RALYL: variants seen among roughly 807,000 people sequenced by gnomAD.
RALYL encodes RNA-binding Raly-like protein.
RALYL carries 29 observed loss-of-function variants against 35.1 expected under a neutral mutation model. That is an observed-to-expected ratio of 0.83 (90% CI 0.61 to 1.13). The LOEUF is 1.13. RALYL is among the 50% of genes most tolerant of loss of function. The probability of loss-of-function intolerance (pLI) is 0.00; values close to 1 mark genes in which losing one functional copy is unlikely to be tolerated. For synonymous variants in RALYL, 120 were observed against 127.6 expected, an observed-to-expected ratio of 0.94 and a Z score of 0.40; for missense variants, 359 against 360.4, an observed-to-expected ratio of 1.00 and a Z score of 0.03.
At chr8:84,891,830 TA>T (rs2135466821) in intron 8 of RALYL, among the ~76,000 whole-genome samples, 1 of 152,200 alleles carries the variant, frequency 6.6e-6, no homozygotes, top group African/African-American at 2.4e-5. Context: ...AAAAGTGAAA[TA>T]AAAGCACAAA....
At chr8:84,301,877 T>C (rs1840862462) in intron 1 of RALYL, among the ~76,000 whole-genome samples, 1 of 152,142 alleles carries the variant, frequency 6.6e-6, no homozygotes, top group Non-Finnish European at 1.5e-5. Flanking sequence ...ATATAACTTA[T>C]ATCTAATGAG....
At chr8:84,541,761 G>T (rs1245690161) in intron 2 of RALYL, among the ~76,000 whole-genome samples, 1 of 151,938 alleles carries the variant, frequency 6.6e-6, no homozygotes, top group Non-Finnish European at 1.5e-5. Flanking sequence ...CTTGGAATTG[G>T]TGTATCTTCC....
intron 1 of RALYL, among the ~76,000 whole-genome samples, chr8:84,230,907 A>AG (rs1312866699): frequency 1.3e-5 from 2 of 152,324 alleles, no homozygotes; most frequent in South Asian, 4.1e-4. Flanking sequence ...CTCTGATTTC[A>AG]AAGCCCATGC....
chr8:84,190,889 T>C (rs1459126637), intron 1 of RALYL, among the ~76,000 whole-genome samples: 1 of 151,252 alleles, frequency 6.6e-6, no homozygotes, highest in African/African-American at 2.4e-5. Flanking sequence ...TTTGAGTGAA[T>C]GTAAAAGGGG....
intron 2 of RALYL, among the ~76,000 whole-genome samples, chr8:84,630,789 G>C (rs893621313): frequency 6.6e-6 from 1 of 152,036 alleles, no homozygotes; most frequent in Non-Finnish European, 1.5e-5. Flanking sequence ...GTGAAGGAGA[G>C]TAGAAATGTG....
At position 84,633,255 on chromosome 8, in the gene RALYL, A is replaced by G. The variant is rs184349154; in HGVS notation, c.256+103678A>G. On this transcript the variant is annotated intron_variant, in intron 2 of 8. Transcript: ENST00000521268. ...ATGTCCTGGTTCAGCAATAGAGTTTATAGCTAGATGAGATTACAGGCTGAT... is the reference window on the plus strand; with the variant it reads ...ATGTCCTGGTTCAGCAATAGAGTTTGTAGCTAGATGAGATTACAGGCTGAT... 3.9e-4 allele frequency among the ~76,000 whole-genome samples: 59 copies of G among 151,976 alleles called. 2 individuals are homozygous for G. The highest frequency in any genetic ancestry group is 3.5e-3 in the Admixed American group (54 of 15,226).
At chr8:84,604,631 G>A (rs111579695) in intron 2 of RALYL, among the ~76,000 whole-genome samples, 172 of 152,226 alleles carry the variant, frequency 1.1e-3, no homozygotes, top group African/African-American at 3.8e-3. Context: ...GCCACACCCT[G>A]TTTAAGAGGT....
At chr8:84,408,670 T>A (rs1216526370) in intron 1 of RALYL, among the ~76,000 whole-genome samples, 1 of 152,162 alleles carries the variant, frequency 6.6e-6, no homozygotes, top group Non-Finnish European at 1.5e-5. Context: ...AATGATTGCA[T>A]GGAGGAGACA....
intron 1 of RALYL, among the ~76,000 whole-genome samples, chr8:84,208,378 CCTT>C (rs1366776837): frequency 6.6e-6 from 1 of 151,834 alleles, no homozygotes; most frequent in African/African-American, 2.4e-5. Context: ...CATGAGTAAT[CCTT>C]CTCCCCTCAA....
At chr8:84,722,319 T>G (rs1425896019) in intron 2 of RALYL, among the ~76,000 whole-genome samples, 1 of 151,860 alleles carries the variant, frequency 6.6e-6, no homozygotes, top group East Asian at 1.9e-4. Flanking sequence ...GAGCAATGAG[T>G]AATTCAAAGA....
At chr8:84,525,106 C>T (rs2058776564) in intron 1 of RALYL, among the ~76,000 whole-genome samples, 1 of 149,166 alleles carries the variant, frequency 6.7e-6, no homozygotes, top group African/African-American at 2.5e-5. Context: ...TCAAAAGTCA[C>T]ATGTGGTTAT....
At chr8:84,254,576 A>C (rs1016831887) in intron 1 of RALYL, among the ~76,000 whole-genome samples, 2 of 151,866 alleles carry the variant, frequency 1.3e-5, no homozygotes, top group African/African-American at 4.8e-5. Flanking sequence ...TGAGGGCTCC[A>C]ATTGCCTTTG....
At chr8:84,765,963 G>A (rs898350576) in intron 2 of RALYL, among the ~76,000 whole-genome samples, 5 of 151,996 alleles carry the variant, frequency 3.3e-5, no homozygotes, top group African/African-American at 9.7e-5. Flanking sequence ...TTATAAATTA[G>A]ATACCATTTC....
intron 1 of RALYL, among the ~76,000 whole-genome samples, chr8:84,392,772 C>T (rs535059703): frequency 2.0e-5 from 3 of 151,706 alleles, no homozygotes; most frequent in African/African-American, 4.8e-5. Context: ...TTAAAGCTGG[C>T]GGGTGGGGAG....
At chr8:84,213,371 G>T (rs922545663) in intron 1 of RALYL, among the ~76,000 whole-genome samples, 3 of 152,076 alleles carry the variant, frequency 2.0e-5, no homozygotes, top group African/African-American at 7.2e-5. Flanking sequence ...ACTCCAGCCT[G>T]GGCAACAGAG....
intron 1 of RALYL, among the ~76,000 whole-genome samples, chr8:84,442,772 G>T (rs993554225): frequency 6.6e-6 from 1 of 152,062 alleles, no homozygotes; most frequent in Non-Finnish European, 1.5e-5. Flanking sequence ...CAGAAAACAG[G>T]CCACAAAAGA....
intron 2 of RALYL, among the ~76,000 whole-genome samples, chr8:84,712,449 C>T (rs1398040350): frequency 1.8e-4 from 28 of 152,124 alleles, no homozygotes. Flanking sequence ...TTATCTCTCT[C>T]TCTTTCTCTC....
intron 2 of RALYL, among the ~76,000 whole-genome samples, chr8:84,610,997 C>T (rs1564232360): frequency 6.6e-6 from 1 of 152,080 alleles, no homozygotes; most frequent in Non-Finnish European, 1.5e-5. Flanking sequence ...GCAAGCATCC[C>T]TAGTTGTTTC....
At chr8:84,895,766 C>T (rs1844650236) in intron 8 of RALYL, among the ~76,000 whole-genome samples, 1 of 152,208 alleles carries the variant, frequency 6.6e-6, no homozygotes, top group African/African-American at 2.4e-5. Context: ...CCCACCTCGG[C>T]CTCCCAAAGT....
Sources: gnomAD v4.1 joint callset for allele counts (sites outside exome capture counted in the v4.1 genomes callset) on GRCh38, gnomAD v4.1.1 for gene constraint, MANE v1.5 for transcripts, NCBI Gene and HGNC (gene_info 2026-07-23, HGNC 2026-07-21) for gene names.